The following CAST variants were observed in gnomAD, a reference collection of about 807,000 sequenced individuals.
The protein encoded by CAST is MIR583 host.
CAST carries 76 observed loss-of-function variants against 119.6 expected under a neutral mutation model. The ratio of observed to expected loss-of-function variants is 0.64; its 90% confidence interval spans 0.53 to 0.77. The LOEUF (loss-of-function observed/expected upper bound fraction) is 0.77. Among genes scored for constraint, CAST ranks in the 30% least tolerant of loss-of-function variants. The probability of loss-of-function intolerance (pLI) is 0.00; values close to 1 mark genes in which losing one functional copy is unlikely to be tolerated. For synonymous variants in CAST, 319 were observed against 331.6 expected, an observed-to-expected ratio of 0.96 and a Z score of 0.41; for missense variants, 953 against 946.5, an observed-to-expected ratio of 1.01 and a Z score of -0.09.
the CAST span, among the ~76,000 whole-genome samples, chr5:96,101,794 A>C: frequency 1.3e-5 from 2 of 152,324 alleles, no homozygotes; most frequent in Admixed American, 1.3e-4. Context: ...AAAAAATTTT[A>C]ACATCTTGTG....
chr5:96,746,316 T>A, intron 16 of CAST, 26 bp from the exon 17 acceptor site: 1 of 1,389,864 alleles, frequency 7.2e-7, no homozygotes, highest in Non-Finnish European at 1.0e-6. Flanking sequence ...TCCAACTACT[T>A]TTTTTTTCCC....
chr5:96,100,952 T>G, the CAST span, among the ~76,000 whole-genome samples: 2 of 152,054 alleles, frequency 1.3e-5, no homozygotes, highest in South Asian at 2.1e-4. Context: ...AGAGACAGGG[T>G]CTCAATGTTG....
chr5:96,393,276 G>A, the CAST span: 1 of 1,613,904 alleles, frequency 6.2e-7, no homozygotes, highest in South Asian at 1.1e-5. Flanking sequence ...GCCTGGGAAG[G>A]GGCTCCCTCC....
chr5:96,502,614 G>GTCTGTCTT, the CAST span, among the ~76,000 whole-genome samples: 425 of 143,274 alleles, frequency 3.0e-3, 3 homozygotes, highest in Non-Finnish European at 3.9e-3. Context: ...AAGTTACCTA[G>GTCTGTCTT]TCTTTCTTTC....
chr5:96,369,804 A>G, the CAST span, among the ~76,000 whole-genome samples: 17 of 152,094 alleles, frequency 1.1e-4, no homozygotes, highest in African/African-American at 4.1e-4. Flanking sequence ...TTTCCTTCTA[A>G]GCTCTCTTCA....
the CAST span, among the ~76,000 whole-genome samples, chr5:96,180,541 A>C: frequency 7.9e-5 from 12 of 152,352 alleles, no homozygotes; most frequent in African/African-American, 2.9e-4. Flanking sequence ...ATATGAAAAC[A>C]TTTTCATTTT....
intron 1 of CAST, among the ~76,000 whole-genome samples, chr5:96,552,517 G>A (rs1021701879): frequency 6.6e-6 from 1 of 152,050 alleles, no homozygotes; most frequent in Non-Finnish European, 1.5e-5. Context: ...AACTAAAGAA[G>A]CAAGAGCAAA....
chr5:96,136,033 G>A, the CAST span, among the ~76,000 whole-genome samples: 1 of 152,122 alleles, frequency 6.6e-6, no homozygotes, highest in Non-Finnish European at 1.5e-5. Context: ...TGCACTCTGT[G>A]TGTAGCCCAA....
the CAST span, among the ~76,000 whole-genome samples, chr5:96,327,760 A>T: frequency 6.6e-6 from 1 of 152,210 alleles, no homozygotes; most frequent in Non-Finnish European, 1.5e-5. Context: ...AGATCAGAAG[A>T]GCGATTCAAC....
At chr5:96,500,774 G>A in the CAST span, among the ~76,000 whole-genome samples, 8 of 152,154 alleles carry the variant, frequency 5.3e-5, no homozygotes, top group Non-Finnish European at 7.4e-5. Flanking sequence ...TCACCGTCTC[G>A]GGAAATGGGA....
chr5:96,023,428 C>T, the CAST span, among the ~76,000 whole-genome samples: 1 of 152,164 alleles, frequency 6.6e-6, no homozygotes, highest in Non-Finnish European at 1.5e-5. Flanking sequence ...ATTTTGACCT[C>T]TTCTTTCACT....
the CAST span, among the ~76,000 whole-genome samples, chr5:96,111,526 C>G: frequency 6.6e-6 from 1 of 152,302 alleles, no homozygotes; most frequent in South Asian, 2.1e-4. Flanking sequence ...CCTCTGGTAA[C>G]CAGCCTCCAT....
At chr5:96,270,523 G>T in the CAST span, among the ~76,000 whole-genome samples, 1 of 152,158 alleles carries the variant, frequency 6.6e-6, no homozygotes, top group African/African-American at 2.4e-5. Context: ...ATACTATGCA[G>T]CCATAAAAAG....
chr5:96,062,678 TC>T, the CAST span, among the ~76,000 whole-genome samples: 1 of 152,046 alleles, frequency 6.6e-6, no homozygotes, highest in Non-Finnish European at 1.5e-5. Context: ...GGATAATTGG[TC>T]CTGAAAGAAA....
At chr5:96,695,636 C>A in intron 2 of CAST, 200 bp from the exon 3 acceptor site, 1 of 435,198 alleles carries the variant, frequency 2.3e-6, no homozygotes. Flanking sequence ...GAGACTTATT[C>A]AACTTACTCT....
At chr5:96,728,190 CA>C (rs1032958239) in intron 6 of CAST, 3 of 152,216 alleles carry the variant, frequency 2.0e-5, no homozygotes, top group African/African-American at 7.2e-5. Flanking sequence ...GACAAGACCA[CA>C]AGGTTTCCTG....
chr5:95,973,026 G>A, the CAST span: 1 of 152,246 alleles, frequency 6.6e-6, no homozygotes, highest in African/African-American at 2.4e-5. Flanking sequence ...ACTTTCCAAA[G>A]TGATGAAAGA....
chr5:96,022,659 G>T, the CAST span, among the ~76,000 whole-genome samples: 6 of 152,282 alleles, frequency 3.9e-5, no homozygotes, highest in East Asian at 1.2e-3. Flanking sequence ...GTCAGTCAGG[G>T]TTCTTCCGAG....
chr5:96,326,989 A>G, the CAST span, among the ~76,000 whole-genome samples: 6 of 152,172 alleles, frequency 3.9e-5, no homozygotes, highest in African/African-American at 1.4e-4. Context: ...AGAAGCAATC[A>G]CCTTGTGCAG....
Sources: allele counts gnomAD v4.1 joint callset (sites outside exome capture counted in the v4.1 genomes callset), GRCh38; gene constraint gnomAD v4.1.1; transcripts MANE v1.5; gene names NCBI Gene and HGNC (gene_info 2026-07-23, HGNC 2026-07-21).